Variants in AUTS2 observed in about 807,000 individuals in gnomAD.
AUTS2 encodes the protein activator of transcription and developmental regulator AUTS2, also known as autism susceptibility gene 2 protein.
In AUTS2, 17 loss-of-function variants were observed where a neutral mutation model predicts 112.4. The ratio of observed to expected loss-of-function variants is 0.15; its 90% CI spans 0.10 to 0.23. AUTS2 has a LOEUF of 0.23. Among genes scored for constraint, AUTS2 ranks in the 10% least tolerant of loss-of-function variants. The pLI, the probability that AUTS2 is intolerant of heterozygous loss-of-function variation, is 1.00. For synonymous variants in AUTS2, 751 were observed against 702.7 expected, an observed-to-expected ratio of 1.07 and a Z score of -1.09; for missense variants, 1,510 against 1,701.6, an observed-to-expected ratio of 0.89 and a Z score of 1.98.
intron 5 of AUTS2, among the ~76,000 whole-genome samples, chr7:70,513,396 G>A (rs1366807054): frequency 1.3e-5 from 2 of 152,162 alleles, no homozygotes; most frequent in Non-Finnish European, 2.9e-5. Flanking sequence ...TTCCATAATT[G>A]AAGATAGCAA....
intron 6 of AUTS2, 93 bp from the exon 7 acceptor site, chr7:70,762,777 G>A (rs1789648290): frequency 1.3e-5 from 12 of 936,230 alleles, no homozygotes; most frequent in Non-Finnish European, 1.9e-5. Context: ...CCTGTTGCTG[G>A]AGTTGTGTGA....
chr7:70,582,037 CTTT>C (rs35939256), intron 5 of AUTS2, among the ~76,000 whole-genome samples: 5 of 128,748 alleles, frequency 3.9e-5, no homozygotes, highest in Admixed American at 7.8e-5. Flanking sequence ...ACCCAACCCA[CTTT>C]TTTTTTTTTT....
At chr7:70,648,243 C>T (rs1337066684) in intron 5 of AUTS2, among the ~76,000 whole-genome samples, 3 of 152,142 alleles carry the variant, frequency 2.0e-5, no homozygotes, top group Non-Finnish European at 4.4e-5. Context: ...TACTCCGCCC[C>T]CCTCCACCAC....
At chr7:70,684,108 T>A (rs905151674) in intron 5 of AUTS2, among the ~76,000 whole-genome samples, 1 of 150,816 alleles carries the variant, frequency 6.6e-6, no homozygotes, top group African/African-American at 2.4e-5. Flanking sequence ...ATTTGGACCA[T>A]CAGGATGCTT....
chr7:69,899,563 CTG>C lies in AUTS2; in HGVS notation c.522+68_522+69del, dbSNP rs1403808014. On this transcript the variant is annotated intron_variant, in intron 2 of 18. Coordinates refer to ENST00000342771, the MANE Select transcript of AUTS2 (RefSeq NM_015570.4). ...ATCCCTTCCTTAGGTGCTTCCTCCACTGTGGTTTTTCGTAACAGGTGGAGAAG... is the reference window on the plus strand; with the variant it reads ...ATCCCTTCCTTAGGTGCTTCCTCCACTGGTTTTTCGTAACAGGTGGAGAAG... 2.6e-6 allele frequency: 4 copies of C among 1,516,674 alleles called. No individual in the cohort carries two copies. The East Asian group carries it at 9.0e-5, about 34-fold the overall frequency. 94.0% of individuals were successfully genotyped at this position (1,516,674 alleles called of 1,614,324 possible). A position where few individuals can be genotyped will look rare whatever the true frequency, so the allele number is the denominator to read the frequency against.
rs6971763 is a variant in AUTS2, at chr7:70,789,546, A to T, written c.2532-202A>T. 7.6e-3 allele frequency among the ~76,000 whole-genome samples: 1,152 copies of T among 151,882 alleles called. 13 individuals carry two copies. The highest frequency in any genetic ancestry group is 0.026 in the African/African-American group (1,071 of 41,388). On this transcript the variant is annotated intron_variant, in intron 18 of 18. Coordinates refer to ENST00000342771, the MANE Select transcript of AUTS2 (RefSeq NM_015570.4). ...CCCTCATCCCTGGTCCATCTCCCCC[A>T]TTAAGCTTCCTCTAAAATCTAGGTA...
intron 2 of AUTS2, among the ~76,000 whole-genome samples, chr7:70,077,873 G>A (rs763966389): frequency 6.6e-6 from 1 of 152,132 alleles, no homozygotes; most frequent in Non-Finnish European, 1.5e-5. Context: ...CAGACCCTGG[G>A]ATGTCTGGAA....
At chr7:70,397,350 C>T (rs892242087) in intron 4 of AUTS2, among the ~76,000 whole-genome samples, 1 of 152,090 alleles carries the variant, frequency 6.6e-6, no homozygotes, top group African/African-American at 2.4e-5. Context: ...CAGGCATGAG[C>T]CACCGAGCCC....
At chr7:70,485,732 C>G (rs1411458509) in intron 5 of AUTS2, among the ~76,000 whole-genome samples, 1 of 152,116 alleles carries the variant, frequency 6.6e-6, no homozygotes, top group African/African-American at 2.4e-5. Flanking sequence ...CCTGGATTGG[C>G]TCCCATTAGG....
At chr7:70,404,739 G>C (rs1020740231) in intron 4 of AUTS2, among the ~76,000 whole-genome samples, 10 of 152,212 alleles carry the variant, frequency 6.6e-5, no homozygotes, top group Admixed American at 5.2e-4. Context: ...GTGCCTGCTT[G>C]TTGTTGTTGT....
At chr7:70,326,905 G>A (rs961680497) in intron 4 of AUTS2, among the ~76,000 whole-genome samples, 3 of 141,316 alleles carry the variant, frequency 2.1e-5, no homozygotes. Context: ...GGCATGAAAG[G>A]TATGCTTGGT....
rs376173173 is a variant in AUTS2 at position 70,170,159 on chromosome 7, A to T, written c.660+35588A>T. Among the ~76,000 whole-genome samples the T allele has an allele frequency of 2.8e-3, 375 of 132,880 alleles. 1 individual carries two copies. The highest frequency in any genetic ancestry group is 9.2e-3 in the African/African-American group (333 of 36,156). 87.2% of individuals were successfully genotyped at this position (132,880 alleles called of 152,430 possible). A position where few individuals can be genotyped will look rare whatever the true frequency, so the allele number is the denominator to read the frequency against. The stretch of plus-strand genomic sequence containing the variant: ...GGCAATTTGATAGCTAAATGCAAGT[A>T]TTTTTTTTTTTTTTTTTTGAGACAG... On this transcript the variant is annotated intron_variant, in intron 4 of 18. Transcript: ENST00000342771.
intron 5 of AUTS2, among the ~76,000 whole-genome samples, chr7:70,475,427 G>C (rs771373298): frequency 1.3e-5 from 2 of 152,030 alleles, no homozygotes; most frequent in African/African-American, 4.8e-5. Flanking sequence ...CTGTTGACTA[G>C]TTTTATTTCC....
At chr7:70,387,322 C>T (rs1175899296) in intron 4 of AUTS2, among the ~76,000 whole-genome samples, 1 of 152,198 alleles carries the variant, frequency 6.6e-6, no homozygotes, top group Non-Finnish European at 1.5e-5. Flanking sequence ...TTCCCTGAGA[C>T]CTCTAGGTAA....
chr7:70,442,645 G>T (rs1796165731), intron 5 of AUTS2, among the ~76,000 whole-genome samples: 2 of 151,996 alleles, frequency 1.3e-5, no homozygotes, highest in Non-Finnish European at 2.9e-5. Flanking sequence ...CACCCACCAT[G>T]CCTGGCTAAT....
intron 1 of AUTS2, among the ~76,000 whole-genome samples, chr7:69,711,634 CT>C (rs1320084119): frequency 6.6e-6 from 1 of 152,156 alleles, no homozygotes; most frequent in Non-Finnish European, 1.5e-5. Context: ...ACTTCCTATG[CT>C]TCCTTCCTAA....
intron 5 of AUTS2, among the ~76,000 whole-genome samples, chr7:70,517,974 T>G (rs1799487215): frequency 6.6e-6 from 1 of 152,354 alleles, no homozygotes; most frequent in African/African-American, 2.4e-5. Context: ...GTGAAATGTC[T>G]TATTTGGCAA....
intron 4 of AUTS2, among the ~76,000 whole-genome samples, chr7:70,151,801 G>A (rs1807454635): frequency 6.6e-6 from 1 of 152,090 alleles, no homozygotes; most frequent in South Asian, 2.1e-4. Flanking sequence ...ACTATTTCAA[G>A]TGACTTAACT....
At chr7:70,454,056 T>G (rs1045826781) in intron 5 of AUTS2, among the ~76,000 whole-genome samples, 9 of 152,198 alleles carry the variant, frequency 5.9e-5, no homozygotes, top group African/African-American at 2.2e-4. Flanking sequence ...CCCCTGTGGG[T>G]TGGCGTTGTG....
Sources: allele counts gnomAD v4.1 joint callset (sites outside exome capture counted in the v4.1 genomes callset), GRCh38; gene constraint gnomAD v4.1.1; transcripts MANE v1.5; gene names NCBI Gene and HGNC (gene_info 2026-07-23, HGNC 2026-07-21).